Variants in STRN observed in about 807,000 individuals in gnomAD.
STRN encodes striatin.
STRN carries 53 observed loss-of-function variants against 96.3 expected under a neutral mutation model. That is an observed-to-expected ratio of 0.55 (90% CI 0.44 to 0.69). STRN has a LOEUF of 0.69. STRN is among the 30% of genes least tolerant of loss of function. The pLI, the probability that STRN is intolerant of heterozygous loss-of-function variation, is 0.00. For missense variants in STRN, 987 were observed against 963.9 expected, an observed-to-expected ratio of 1.02 and a Z score of -0.32; for synonymous variants, 428 against 355.9, an observed-to-expected ratio of 1.20 and a Z score of -2.28.
chr2:36,931,977 C>T (rs1670586634), intron 1 of STRN, among the ~76,000 whole-genome samples: 2 of 152,092 alleles, frequency 1.3e-5, no homozygotes, highest in South Asian at 2.1e-4. Flanking sequence ...CATACGACCA[C>T]ATGCAGCTGA....
intron 6 of STRN, among the ~76,000 whole-genome samples, chr2:36,894,935 C>G (rs963634857): frequency 9.2e-5 from 14 of 152,100 alleles, no homozygotes; most frequent in Non-Finnish European, 1.9e-4. Flanking sequence ...CTCAGAAATC[C>G]TTCTCAGTAC....
intron 4 of STRN, among the ~76,000 whole-genome samples, chr2:36,904,196 T>C (rs1669759519): frequency 6.6e-6 from 1 of 152,202 alleles, no homozygotes; most frequent in Non-Finnish European, 1.5e-5. Flanking sequence ...TTAGTAAAAA[T>C]TTACTTATTA....
rs1223408164 is a variant in STRN at position 36,894,179 on chromosome 2, A to T, written c.796-146T>A. The T allele has an allele frequency of 3.3e-6, 3 of 906,246 alleles. No individual in the cohort carries two copies. In the African/African-American group the frequency reaches 5.2e-5, roughly 16 times the overall value. 56.1% of individuals were successfully genotyped at this position (906,246 alleles called of 1,614,324 possible). A position where few individuals can be genotyped will look rare whatever the true frequency, so the allele number is the denominator to read the frequency against. On this transcript the variant is annotated intron_variant, in intron 6 of 17. Coordinates refer to ENST00000263918, the MANE Select transcript of STRN (RefSeq NM_003162.4). ...AACTCAGTGAAAATCACATAGTTTT[A>T]AAAAATATGTACATTATAAATTTTA...
At chr2:36,911,186 C>T (rs1439261137) in intron 3 of STRN, among the ~76,000 whole-genome samples, 1 of 152,172 alleles carries the variant, frequency 6.6e-6, no homozygotes, top group African/African-American at 2.4e-5. Context: ...ACTTCTACAT[C>T]ATCTTGAGTG....
Position 36,899,616 on chromosome 2 carries a change from G to T in STRN, c.702C>A (p.Phe234Leu). The change falls in exon 6 of 18, where the codon TTC (phenylalanine) becomes TTA (leucine). Residue 234 changes from phenylalanine (F) to leucine (L), a missense_variant. Coordinates refer to ENST00000263918, the MANE Select transcript of STRN (RefSeq NM_003162.4). ...LTDSASVLDN[F>L]KFLESAAADF... ...CTGCAGCTGCACTTTCAAGGAATTT[G>T]AAATTATCCAGCACGGAGGCAGAAT... is the stretch of plus-strand genomic sequence containing the variant. 6.2e-7 allele frequency: 1 copy of T among 1,613,548 alleles called. No individual in the cohort carries two copies. The highest frequency in any genetic ancestry group is 8.5e-7 in the Non-Finnish European group (1 of 1,179,816).
intron 8 of STRN, among the ~76,000 whole-genome samples, chr2:36,886,161 G>C (rs970456475): frequency 1.3e-5 from 2 of 152,032 alleles, no homozygotes; most frequent in South Asian, 4.1e-4. Flanking sequence ...AGTAAAATTG[G>C]CCAAAAATGT....
chr2:36,883,235 A>G (rs1465000040), intron 9 of STRN, among the ~76,000 whole-genome samples: 1 of 152,204 alleles, frequency 6.6e-6, no homozygotes, highest in African/African-American at 2.4e-5. Flanking sequence ...TGGGCAGATC[A>G]CTTGAGGTCA....
At chr2:36,852,517 G>A (rs2717508) in intron 15 of STRN, among the ~76,000 whole-genome samples, 127,986 of 152,144 alleles carry the variant, frequency 0.84, 56,142 homozygotes, top group Non-Finnish European at 0.96. Context: ...GGAGCATGAC[G>A]TCTCTCATAT....
At chr2:36,927,526 G>GT (rs1299165216) in intron 1 of STRN, among the ~76,000 whole-genome samples, 5 of 83,050 alleles carry the variant, frequency 6.0e-5, no homozygotes, top group East Asian at 3.0e-4. Context: ...CAAAAAAAAG[G>GT]GGGGGGGGGG....
chr2:36,950,213 GTTTTTT>G (rs745506504), intron 1 of STRN, among the ~76,000 whole-genome samples: 1 of 109,032 alleles, frequency 9.2e-6, no homozygotes, highest in African/African-American at 3.5e-5. Context: ...GTTTGGTTTT[GTTTTTT>G]TTTTTTTTTT....
chr2:36,948,367 T>G (rs2148264167), intron 1 of STRN, among the ~76,000 whole-genome samples: 1 of 152,238 alleles, frequency 6.6e-6, no homozygotes, highest in East Asian at 1.9e-4. Context: ...CTCAAAGTGC[T>G]GGGATTACAG....
At chr2:36,928,923 G>C (rs1471791470) in intron 1 of STRN, among the ~76,000 whole-genome samples, 1 of 150,148 alleles carries the variant, frequency 6.7e-6, no homozygotes, top group Non-Finnish European at 1.5e-5. Context: ...ACTCCAGCCT[G>C]GGCAACAGAG....
Position 36,849,787 on chromosome 2 carries a change from G to A in STRN, c.2100C>T (p.His700=), listed in dbSNP as rs758649599. Residue 700 remains histidine, a synonymous_variant, in exon 17 of 18, where the codon CAC becomes CAT. Coordinates refer to ENST00000263918, the MANE Select transcript of STRN (RefSeq NM_003162.4). ...CAGCTTCTAGGTGGGCTACCATCGA[G>A]TGGATCAGTTTGCCTTTGGAAAAAG... ...FYDNNTGKLI[H]SMVAHLEAVT... is the part of the protein sequence containing the mutation. 27 of 1,614,024 alleles carry A rather than the reference G, an allele frequency of 1.7e-5. No individual in the cohort carries two copies. Among genetic ancestry groups the A allele is most frequent in the Non-Finnish European group, 2.2e-5 (26 of 1,180,006 alleles).
At chr2:36,941,078 C>T (rs1572690615) in intron 1 of STRN, among the ~76,000 whole-genome samples, 1 of 152,140 alleles carries the variant, frequency 6.6e-6, no homozygotes, top group Non-Finnish European at 1.5e-5. Context: ...GACCTGAACC[C>T]AGGGAGCCTG....
intron 1 of STRN, among the ~76,000 whole-genome samples, chr2:36,964,490 G>A (rs1257954328): frequency 6.6e-6 from 1 of 152,092 alleles, no homozygotes; most frequent in South Asian, 2.1e-4. Flanking sequence ...ATTTGTTGGA[G>A]ACTATATAAA....
Position 36,842,367 on chromosome 2 carries a change from A to C in STRN, c.*7089T>G, listed in dbSNP as rs905360509. ...ATGATGGCATAAGAAATTATAGCACATAAATTAATAACACTATAGTACTCC... is the reference window on the plus strand; with the variant it reads ...ATGATGGCATAAGAAATTATAGCACCTAAATTAATAACACTATAGTACTCC... On this transcript the variant is annotated 3_prime_UTR_variant, in exon 18 of 18. Transcript: ENST00000263918. The C allele has an allele frequency of 6.6e-6, 1 of 152,214 alleles. No homozygotes were observed. The highest frequency in any genetic ancestry group is 1.5e-5 in the Non-Finnish European group (1 of 68,024). The allele number at this position is 152,214 out of a possible 1,614,324, so 9.4% of individuals were successfully genotyped here.
At chr2:36,955,302 C>T (rs556115576) in intron 1 of STRN, among the ~76,000 whole-genome samples, 2 of 152,052 alleles carry the variant, frequency 1.3e-5, no homozygotes, top group African/African-American at 2.4e-5. Flanking sequence ...ATTGATGAAA[C>T]GGGGGATGAG....
chr2:36,921,443 C>T (rs1444935724), intron 2 of STRN, among the ~76,000 whole-genome samples: 1 of 152,214 alleles, frequency 6.6e-6, no homozygotes, highest in Non-Finnish European at 1.5e-5. Context: ...CTATCAACTA[C>T]TCCTTTCACT....
At chr2:36,903,973 C>T (rs1669753661) in intron 4 of STRN, among the ~76,000 whole-genome samples, 1 of 152,140 alleles carries the variant, frequency 6.6e-6, no homozygotes, top group Non-Finnish European at 1.5e-5. Context: ...CATAGAAAAG[C>T]TGGTTTTACT....
Sources: allele counts gnomAD v4.1 joint callset (sites outside exome capture counted in the v4.1 genomes callset), GRCh38; gene constraint gnomAD v4.1.1; transcripts MANE v1.5; gene names NCBI Gene and HGNC (gene_info 2026-07-23, HGNC 2026-07-21).